KCTD8: variants seen among roughly 807,000 people sequenced by gnomAD.
The protein encoded by KCTD8 is potassium channel tetramerization domain containing 8.
A neutral mutation model predicts 31.5 loss-of-function variants in KCTD8; 27 were observed. The observed-to-expected ratio is 0.86, with a 90% CI of 0.63 to 1.18. The LOEUF is 1.18. Ranked by LOEUF, KCTD8 falls within the 50% of genes most tolerant of loss-of-function variation. The probability of loss-of-function intolerance (pLI) is 0.00; values close to 1 mark genes in which losing one functional copy is unlikely to be tolerated. For synonymous variants in KCTD8, 290 were observed against 280.0 expected (o/e 1.04, Z -0.36); for missense variants, 658 against 647.7 (o/e 1.02, Z -0.17).
chr4:44,281,457 T>C (rs1716903614), intron 1 of KCTD8, among the ~76,000 whole-genome samples: 1 of 152,104 alleles, frequency 6.6e-6, no homozygotes, highest in Non-Finnish European at 1.5e-5. Flanking sequence ...AGATACTTGC[T>C]TCCAACAAAT....
intron 1 of KCTD8, among the ~76,000 whole-genome samples, chr4:44,351,696 C>A (rs528724627): frequency 1.5e-4 from 23 of 152,022 alleles, no homozygotes; most frequent in African/African-American, 5.3e-4. Context: ...CAATATGGTA[C>A]AATAGAACAT....
intron 1 of KCTD8, among the ~76,000 whole-genome samples, chr4:44,247,635 T>C (rs1715704935): frequency 1.3e-5 from 2 of 151,888 alleles, no homozygotes; most frequent in South Asian, 4.1e-4. Context: ...TTCTTCCAGC[T>C]CTTGGCAATC....
intron 1 of KCTD8, among the ~76,000 whole-genome samples, chr4:44,231,075 T>C (rs908085725): frequency 1.3e-5 from 2 of 152,184 alleles, no homozygotes; most frequent in Admixed American, 1.3e-4. Flanking sequence ...TAAGTGGTAA[T>C]GACAAACTCA....
At chr4:44,348,434 C>T (rs1182158842) in intron 1 of KCTD8, among the ~76,000 whole-genome samples, 1 of 152,072 alleles carries the variant, frequency 6.6e-6, no homozygotes. Context: ...ATGCAAACTA[C>T]AGTGAAAAAT....
At chr4:44,426,566 A>G (rs1721353610) in intron 1 of KCTD8, among the ~76,000 whole-genome samples, 1 of 151,850 alleles carries the variant, frequency 6.6e-6, no homozygotes, top group Non-Finnish European at 1.5e-5. Flanking sequence ...ATAAAACAAT[A>G]TTATGAGTAC....
chr4:44,357,537 C>G lies in KCTD8; in HGVS notation c.961+90026G>C, dbSNP rs543226736. ...GAGTGTGAAGGGTCACTTAACACCA[C>G]TATTAATGGCAGAGGACTCTCTGCC... On this transcript the variant is annotated intron_variant, in intron 1 of 1. Transcript: ENST00000360029. Among the ~76,000 whole-genome samples the G allele has an allele frequency of 1.1e-4, 17 of 152,218 alleles. No homozygotes were observed. The East Asian group carries it at 3.3e-3, about 29-fold the overall frequency.
intron 1 of KCTD8, among the ~76,000 whole-genome samples, chr4:44,226,449 C>G (rs2109350487): frequency 1.3e-5 from 2 of 152,210 alleles, no homozygotes; most frequent in African/African-American, 4.8e-5. Context: ...CATTGATGGT[C>G]ATTTGGGTTG....
At chr4:44,444,894 G>C (rs75509105) in intron 1 of KCTD8, among the ~76,000 whole-genome samples, 8,850 of 151,966 alleles carry the variant, frequency 0.058, 464 homozygotes, top group East Asian at 0.27. Context: ...GTGTTAAAGT[G>C]ACTGATACTT....
At chr4:44,317,224 C>CTTTCTTTTTTT (rs1718156431) in intron 1 of KCTD8, among the ~76,000 whole-genome samples, 1 of 55,796 alleles carries the variant, frequency 1.8e-5, no homozygotes, top group Non-Finnish European at 3.1e-5. Flanking sequence ...CCTATGGGTG[C>CTTTCTTTTTTT]TTTCTTTTTT....
At chr4:44,262,442 C>T (rs1015810338) in intron 1 of KCTD8, among the ~76,000 whole-genome samples, 1 of 151,576 alleles carries the variant, frequency 6.6e-6, no homozygotes, top group East Asian at 1.9e-4. Context: ...TCTGAAAAGG[C>T]AATAAAAGAC....
chr4:44,242,257 T>C (rs1560403880), intron 1 of KCTD8, among the ~76,000 whole-genome samples: 1 of 152,230 alleles, frequency 6.6e-6, no homozygotes, highest in Non-Finnish European at 1.5e-5. Context: ...ATTTCTCATA[T>C]GAGGATATCA....
chr4:44,437,158 G>C (rs1414165058), intron 1 of KCTD8, among the ~76,000 whole-genome samples: 2 of 151,608 alleles, frequency 1.3e-5, no homozygotes, highest in South Asian at 4.1e-4. Context: ...CCTGCAAGTT[G>C]GAAAATGAGC....
chr4:44,181,946 C>G (rs930803776), intron 1 of KCTD8, among the ~76,000 whole-genome samples: 7 of 142,474 alleles, frequency 4.9e-5, no homozygotes, highest in Admixed American at 3.4e-4. Flanking sequence ...GCAGCCGCCC[C>G]CTCTGAGAAG....
At chr4:44,327,319 A>C (rs1448754268) in intron 1 of KCTD8, among the ~76,000 whole-genome samples, 2 of 151,840 alleles carry the variant, frequency 1.3e-5, no homozygotes, top group East Asian at 3.9e-4. Flanking sequence ...CTAGTCTCAG[A>C]ATCTACTTTT....
chr4:44,253,276 A>T (rs1715897560), intron 1 of KCTD8, among the ~76,000 whole-genome samples: 1 of 151,610 alleles, frequency 6.6e-6, no homozygotes. Flanking sequence ...TTCATGAGAC[A>T]GTTTTTTTTT....
chr4:44,401,711 A>C (rs1327512141), intron 1 of KCTD8, among the ~76,000 whole-genome samples: 1 of 152,190 alleles, frequency 6.6e-6, no homozygotes, highest in African/African-American at 2.4e-5. Context: ...ATACATGTAG[A>C]ATGTTCAACA....
At chr4:44,194,863 C>G (rs1399163246) in intron 1 of KCTD8, among the ~76,000 whole-genome samples, 1 of 124,262 alleles carries the variant, frequency 8.0e-6, no homozygotes, top group Non-Finnish European at 1.7e-5. Flanking sequence ...CACTCTCTCT[C>G]TTTTTTTTTT....
chr4:44,273,286 C>T (rs963094729), intron 1 of KCTD8, among the ~76,000 whole-genome samples: 1 of 151,878 alleles, frequency 6.6e-6, no homozygotes, highest in African/African-American at 2.4e-5. Context: ...ATTTGACTAT[C>T]TATTTGAATT....
intron 1 of KCTD8, among the ~76,000 whole-genome samples, chr4:44,296,167 G>C (rs62304834): frequency 0.23 from 34,900 of 152,038 alleles, 4,721 homozygotes; most frequent in Non-Finnish European, 0.31. Flanking sequence ...TTGAAATCTA[G>C]ACACATACAG....
Sources: gnomAD v4.1 joint callset for allele counts (sites outside exome capture counted in the v4.1 genomes callset) on GRCh38, gnomAD v4.1.1 for gene constraint, MANE v1.5 for transcripts, NCBI Gene and HGNC (gene_info 2026-07-23, HGNC 2026-07-21) for gene names.